Variants in VPS13B observed in about 807,000 individuals in gnomAD.
VPS13B encodes intermembrane lipid transfer protein VPS13B.
Under a neutral mutation model 426.4 loss-of-function variants are expected in VPS13B, and 285 were observed. The observed-to-expected ratio is 0.67, with a 90% CI of 0.61 to 0.74. The LOEUF (loss-of-function observed/expected upper bound fraction) is 0.74, where lower values mean the gene tolerates loss of function less well. Among genes scored for constraint, VPS13B ranks in the 30% least tolerant of loss-of-function variants. The pLI, the probability that VPS13B is intolerant of heterozygous loss-of-function variation, is 0.00. For missense variants in VPS13B, 4,537 were observed against 4,782.6 expected (o/e 0.95, Z 1.51); for synonymous variants, 1,676 against 1,676.4 (o/e 1.00, Z 0.01).
At chr8:99,693,403 A>G (rs1167068477) in intron 35 of VPS13B, among the ~76,000 whole-genome samples, 1 of 149,120 alleles carries the variant, frequency 6.7e-6, no homozygotes, top group Non-Finnish European at 1.5e-5. Flanking sequence ...ATGCAAATCA[A>G]TAAATGTAAT....
intron 23 of VPS13B, among the ~76,000 whole-genome samples, chr8:99,451,482 T>A (rs1260214143): frequency 1.3e-5 from 2 of 152,192 alleles, no homozygotes; most frequent in Non-Finnish European, 2.9e-5. Flanking sequence ...CTTGGTTGAA[T>A]CTTATGTATT....
chr8:99,064,982 C>A (rs919570824), intron 3 of VPS13B, among the ~76,000 whole-genome samples: 1 of 152,122 alleles, frequency 6.6e-6, no homozygotes, highest in Non-Finnish European at 1.5e-5. Context: ...GAATTTTCAA[C>A]CCAGAATTTC....
At chr8:99,436,990 C>T (rs1235602342) in intron 22 of VPS13B, among the ~76,000 whole-genome samples, 2 of 152,050 alleles carry the variant, frequency 1.3e-5, no homozygotes, top group Non-Finnish European at 2.9e-5. Flanking sequence ...CCACCCGCCT[C>T]GGCCTCCTAA....
At chr8:99,376,417 T>A (rs1813490068) in intron 19 of VPS13B, among the ~76,000 whole-genome samples, 1 of 152,132 alleles carries the variant, frequency 6.6e-6, no homozygotes, top group South Asian at 2.1e-4. Flanking sequence ...TCTTTTATCA[T>A]CTATAACATT....
In VPS13B at chr8:99,135,880, A is replaced by G. The variant is rs926529662; in HGVS notation, c.1563+147A>G. Reference sequence around the variant, plus strand: ...AACATTTAGAATGCATTTATACAGTATACATGTAGAAATGTTTGAGGAGTG... The same window carrying G: ...AACATTTAGAATGCATTTATACAGTGTACATGTAGAAATGTTTGAGGAGTG... On this transcript the variant is annotated intron_variant, in intron 11 of 61. Coordinates refer to ENST00000357162, the MANE Select transcript of VPS13B (RefSeq NM_152564.5). 2.6e-6 allele frequency: 3 copies of G among 1,142,974 alleles called. No homozygotes were observed. The South Asian group carries it at 4.4e-5, about 17-fold the overall frequency. 70.8% of individuals were successfully genotyped at this position (1,142,974 alleles called of 1,614,324 possible). A position where few individuals can be genotyped will look rare whatever the true frequency, so the allele number is the denominator to read the frequency against.
chr8:99,044,399 A>G lies in VPS13B; in HGVS notation c.291+5833A>G, dbSNP rs1223612258. Among the ~76,000 whole-genome samples the G allele has an allele frequency of 4.2e-5, 5 of 118,152 alleles. No individual in the cohort carries two copies. The East Asian group carries it at 1.1e-3, about 27-fold the overall frequency. 77.5% of individuals were successfully genotyped at this position (118,152 alleles called of 152,430 possible). A position where few individuals can be genotyped will look rare whatever the true frequency, so the allele number is the denominator to read the frequency against. On this transcript the variant is annotated intron_variant, in intron 3 of 61. Coordinates refer to ENST00000357162, the MANE Select transcript of VPS13B (RefSeq NM_152564.5). ...CGCCCGGCCTCTTTTTTTCTTTTTT[A>G]AAATAAGTCAATGTTTGTGTGTGTG... is the stretch of plus-strand genomic sequence containing the variant.
At chr8:99,744,606 G>A (rs1457049055) in intron 39 of VPS13B, among the ~76,000 whole-genome samples, 12 of 152,150 alleles carry the variant, frequency 7.9e-5, no homozygotes, top group Admixed American at 5.9e-4. Context: ...TTAAGAAAAT[G>A]TGGCACGTAT....
intron 17 of VPS13B, among the ~76,000 whole-genome samples, chr8:99,213,950 A>T (rs1203408384): frequency 2.6e-5 from 4 of 151,730 alleles, no homozygotes; most frequent in African/African-American, 9.7e-5. Flanking sequence ...AACTCTCTGG[A>T]TGTGGTACTC....
At chr8:99,820,921 T>C (rs1305808720) in intron 49 of VPS13B, among the ~76,000 whole-genome samples, 1 of 152,062 alleles carries the variant, frequency 6.6e-6, no homozygotes, top group Non-Finnish European at 1.5e-5. Context: ...GTGGACCTAA[T>C]GTTGCATATT....
chr8:99,357,425 G>C (rs1223552788), intron 19 of VPS13B, among the ~76,000 whole-genome samples: 1 of 151,892 alleles, frequency 6.6e-6, no homozygotes, highest in Non-Finnish European at 1.5e-5. Context: ...GTCACTATAT[G>C]TTTCAGATTA....
At chr8:99,496,856 A>G (rs1049093221) in intron 25 of VPS13B, among the ~76,000 whole-genome samples, 3 of 151,994 alleles carry the variant, frequency 2.0e-5, no homozygotes, top group African/African-American at 7.2e-5. Flanking sequence ...ATGTGATTTT[A>G]AAGGATTATA....
At chr8:99,511,956 A>C (rs1223697865) in intron 29 of VPS13B, among the ~76,000 whole-genome samples, 2 of 152,172 alleles carry the variant, frequency 1.3e-5, no homozygotes, top group Non-Finnish European at 2.9e-5. Context: ...TGGGCAACAT[A>C]GTGAGACCCC....
At chr8:99,678,672 T>C (rs1387336190) in intron 35 of VPS13B, among the ~76,000 whole-genome samples, 2 of 152,172 alleles carry the variant, frequency 1.3e-5, no homozygotes, top group Non-Finnish European at 2.9e-5. Context: ...CTAGCACCCA[T>C]TGGTGCTCAA....
At chr8:99,616,894 A>T (rs925855582) in intron 33 of VPS13B, among the ~76,000 whole-genome samples, 4 of 152,236 alleles carry the variant, frequency 2.6e-5, no homozygotes, top group Non-Finnish European at 5.9e-5. Flanking sequence ...CACATTACAA[A>T]AATGTATTTG....
In VPS13B at chr8:99,708,853, A is replaced by C. The variant is rs576792993; in HGVS notation, c.6455-8318A>C. The stretch of plus-strand genomic sequence containing the variant: ...TGTCTCTCTCTCTCTCTCTCTCTAT[A>C]TATATATATAGGCTCTCTCTTTTGC... On this transcript the variant is annotated intron_variant, in intron 36 of 61. Transcript: ENST00000357162. 6.3e-3 allele frequency among the ~76,000 whole-genome samples: 926 copies of C among 147,420 alleles called. 6 individuals carry two copies. The highest frequency in any genetic ancestry group is 0.022 in the African/African-American group (880 of 40,004).
intron 3 of VPS13B, among the ~76,000 whole-genome samples, chr8:99,046,033 A>G (rs939815241): frequency 2.6e-5 from 4 of 151,938 alleles, no homozygotes; most frequent in Non-Finnish European, 1.5e-5. Context: ...AGGCAGACTC[A>G]TTTTTTGGTT....
In VPS13B at chr8:99,150,133, C is replaced by T. The variant is rs74947342; in HGVS notation, c.2013+2123C>T. 5.3e-3 allele frequency among the ~76,000 whole-genome samples: 803 copies of T among 152,178 alleles called. 4 individuals are homozygous for T. The highest frequency in any genetic ancestry group is 7.1e-3 in the Non-Finnish European group (482 of 67,996). On this transcript the variant is annotated intron_variant, in intron 14 of 61. Transcript: ENST00000357162. ...CATCATTAAGTATGGTAGTGTATTA[C>T]GATTAAGAGATCATGTAGAGAAAAT...
intron 45 of VPS13B, among the ~76,000 whole-genome samples, chr8:99,818,196 A>C (rs1451264787): frequency 1.3e-5 from 2 of 152,006 alleles, no homozygotes; most frequent in African/African-American, 4.8e-5. Context: ...ATTCTCTTTC[A>C]TTTTGCCACT....
chr8:99,349,426 TC>T (rs1018559795), intron 19 of VPS13B, among the ~76,000 whole-genome samples: 5 of 149,890 alleles, frequency 3.3e-5, no homozygotes, highest in Non-Finnish European at 5.9e-5. Flanking sequence ...CAACTTAAGA[TC>T]CCCCACAAAT....
Sources: gnomAD v4.1 joint callset for allele counts (sites outside exome capture counted in the v4.1 genomes callset) on GRCh38, gnomAD v4.1.1 for gene constraint, MANE v1.5 for transcripts, NCBI Gene and HGNC (gene_info 2026-07-23, HGNC 2026-07-21) for gene names.